The following EPHA5 variants were observed in gnomAD, a reference collection of about 807,000 sequenced individuals.
EPHA5 encodes the protein EPH receptor A5.
In EPHA5, 60 loss-of-function variants were observed where a neutral mutation model predicts 105.0. That is an observed-to-expected ratio of 0.57 (90% CI 0.46 to 0.71). EPHA5 has a LOEUF of 0.71. Ranked by LOEUF, EPHA5 falls within the 30% of genes least tolerant of loss-of-function variation. The probability of loss-of-function intolerance (pLI) is 0.00; values close to 1 mark genes in which losing one functional copy is unlikely to be tolerated. For synonymous variants in EPHA5, 513 were observed against 449.1 expected (o/e 1.14, Z -1.80); for missense variants, 1,218 against 1,274.7 (o/e 0.96, Z 0.68).
intron 3 of EPHA5, among the ~76,000 whole-genome samples, chr4:65,506,866 A>C (rs1297599344): frequency 2.6e-5 from 4 of 152,094 alleles, no homozygotes; most frequent in Admixed American, 2.6e-4. Flanking sequence ...TAGTTTAATT[A>C]GATCCCATTT....
chr4:65,348,779 A>ATGTG (rs758698685), intron 13 of EPHA5, among the ~76,000 whole-genome samples: 28 of 69,570 alleles, frequency 4.0e-4, no homozygotes, highest in African/African-American at 1.3e-3. Context: ...ATGTGTGTGC[A>ATGTG]TGTGTGTGTG....
chr4:65,379,271 G>GCA (rs1320536872), intron 8 of EPHA5, among the ~76,000 whole-genome samples: 1 of 104,516 alleles, frequency 9.6e-6, no homozygotes, highest in Non-Finnish European at 2.1e-5. Flanking sequence ...GAATAAGTAT[G>GCA]CACATACACA....
chr4:65,347,944 A>G (rs1438638660), intron 14 of EPHA5, 110 bp downstream of exon 14: 4 of 1,152,534 alleles, frequency 3.5e-6, no homozygotes, highest in Non-Finnish European at 4.8e-6. Context: ...TAAGCAAAGT[A>G]TTTCATTTTC....
chr4:65,430,371 A>C (rs1245004894), intron 5 of EPHA5, among the ~76,000 whole-genome samples: 1 of 152,054 alleles, frequency 6.6e-6, no homozygotes, highest in Non-Finnish European at 1.5e-5. Flanking sequence ...ATTTTGAAAA[A>C]AACTCAATTA....
intron 16 of EPHA5, chr4:65,330,608 A>G (rs1720518149): frequency 1.9e-6 from 1 of 515,130 alleles, no homozygotes; most frequent in Admixed American, 6.3e-5. Context: ...GACATTGGGT[A>G]GAAGAAATAC....
At chr4:65,380,427 G>T (rs188986552) in intron 8 of EPHA5, among the ~76,000 whole-genome samples, 11 of 151,834 alleles carry the variant, frequency 7.2e-5, no homozygotes, top group African/African-American at 2.2e-4. Context: ...GTGTGTCTAT[G>T]TAAGTATGAT....
intron 5 of EPHA5, among the ~76,000 whole-genome samples, chr4:65,452,540 T>TAATA (rs1467451807): frequency 2.5e-4 from 37 of 147,270 alleles, no homozygotes; most frequent in African/African-American, 9.0e-4. Flanking sequence ...TGATTATTGC[T>TAATA]AATAAATAAA....
rs545728859 is a variant in EPHA5 at position 65,322,125 on chromosome 4, T to C, written c.*1989A>G. The C allele has an allele frequency of 4.0e-5, 9 of 224,790 alleles. No homozygotes were observed. The South Asian group carries it at 7.3e-4, about 18-fold the overall frequency. 13.9% of individuals were successfully genotyped at this position (224,790 alleles called of 1,614,324 possible). On this transcript the variant is annotated 3_prime_UTR_variant, in exon 17 of 17. Coordinates refer to ENST00000613740, the MANE Select transcript of EPHA5 (RefSeq NM_001281766.3). Reference sequence around the variant, plus strand: ...AATTTTACTAAACTAATAGATTATATGTTTGCAGCACAGTTTGTGTGGACC... The same window carrying C: ...AATTTTACTAAACTAATAGATTATACGTTTGCAGCACAGTTTGTGTGGACC...
intron 2 of EPHA5, among the ~76,000 whole-genome samples, chr4:65,615,113 G>A (rs1042497975): frequency 2.0e-5 from 3 of 151,242 alleles, no homozygotes; most frequent in Non-Finnish European, 4.4e-5. Context: ...AAAATGAACT[G>A]GAAAAATACA....
intron 1 of EPHA5, among the ~76,000 whole-genome samples, chr4:65,660,221 G>A (rs1395323817): frequency 6.6e-6 from 1 of 152,038 alleles, no homozygotes; most frequent in East Asian, 1.9e-4. Flanking sequence ...GGCAAATGAG[G>A]TAAAATACAA....
At chr4:65,459,187 C>T (rs1727896289) in intron 5 of EPHA5, among the ~76,000 whole-genome samples, 1 of 151,926 alleles carries the variant, frequency 6.6e-6, no homozygotes, top group Non-Finnish European at 1.5e-5. Flanking sequence ...TAGTTTAGTT[C>T]CTAATTCAAA....
intron 3 of EPHA5, among the ~76,000 whole-genome samples, chr4:65,554,959 T>C (rs1738263755): frequency 9.0e-6 from 1 of 111,286 alleles, no homozygotes; most frequent in African/African-American, 3.2e-5. Context: ...TAAAATGTTA[T>C]CACTTCACCC....
intron 8 of EPHA5, among the ~76,000 whole-genome samples, chr4:65,402,660 T>C (rs1294902377): frequency 6.6e-6 from 1 of 152,198 alleles, no homozygotes; most frequent in South Asian, 2.1e-4. Flanking sequence ...TCCATGGCTA[T>C]AAATATAACT....
chr4:65,431,788 T>C (rs746510921), intron 5 of EPHA5, among the ~76,000 whole-genome samples: 4 of 152,124 alleles, frequency 2.6e-5, no homozygotes, highest in Non-Finnish European at 4.4e-5. Context: ...TGAAAATCCA[T>C]GTACCTGCAT....
At chr4:65,488,042 T>C (rs1346431083) in intron 5 of EPHA5, among the ~76,000 whole-genome samples, 4 of 152,188 alleles carry the variant, frequency 2.6e-5, no homozygotes, top group African/African-American at 9.7e-5. Flanking sequence ...CAGTGAGAAG[T>C]CTAACCAATA....
At chr4:65,579,348 A>G (rs994730714) in intron 3 of EPHA5, among the ~76,000 whole-genome samples, 5 of 120,508 alleles carry the variant, frequency 4.1e-5, no homozygotes, top group African/African-American at 1.5e-4. Context: ...AAATATATAT[A>G]TGTATGTGTG....
chr4:65,358,640 A>C (rs752309779), intron 11 of EPHA5, among the ~76,000 whole-genome samples: 24 of 151,636 alleles, frequency 1.6e-4, no homozygotes, highest in Non-Finnish European at 2.7e-4. Context: ...AAAGATAAAA[A>C]CAAACTATGA....
chr4:65,488,501 A>C (rs1188916722), intron 5 of EPHA5, among the ~76,000 whole-genome samples: 1 of 152,212 alleles, frequency 6.6e-6, no homozygotes, highest in Non-Finnish European at 1.5e-5. Context: ...ACATTTACCG[A>C]ACACTCCTGA....
intron 3 of EPHA5, among the ~76,000 whole-genome samples, chr4:65,575,931 C>T (rs1740849643): frequency 6.8e-6 from 1 of 147,788 alleles, no homozygotes; most frequent in African/African-American, 2.5e-5. Flanking sequence ...GAGCCAGGAC[C>T]GTGCCACTGC....
Sources: gnomAD v4.1 joint callset for allele counts (sites outside exome capture counted in the v4.1 genomes callset) on GRCh38, gnomAD v4.1.1 for gene constraint, MANE v1.5 for transcripts, NCBI Gene and HGNC (gene_info 2026-07-23, HGNC 2026-07-21) for gene names.